Variants in CFAP61 observed in about 807,000 individuals in gnomAD.
The protein encoded by CFAP61 is cilia and flagella associated protein 61.
Under a neutral mutation model 135.6 loss-of-function variants are expected in CFAP61, and 107 were observed. That is an observed-to-expected ratio of 0.79 (90% CI 0.67 to 0.93). CFAP61 has a LOEUF of 0.93. CFAP61 is among the 40% of genes least tolerant of loss of function. The probability of loss-of-function intolerance (pLI) is 0.00; values close to 1 mark genes in which losing one functional copy is unlikely to be tolerated. For synonymous variants in CFAP61, 575 were observed against 578.5 expected, an observed-to-expected ratio of 0.99 and a Z score of 0.09; for missense variants, 1,507 against 1,556.2, an observed-to-expected ratio of 0.97 and a Z score of 0.53.
At chr20:20,057,637 T>C (rs1371441567) in intron 2 of CFAP61, among the ~76,000 whole-genome samples, 1 of 152,216 alleles carries the variant, frequency 6.6e-6, no homozygotes. Flanking sequence ...AAAGATCTTT[T>C]TTCTCTCTGT....
At chr20:20,281,093 GCAATTTATT>G (rs2054169536) in intron 22 of CFAP61, among the ~76,000 whole-genome samples, 4 of 152,108 alleles carry the variant, frequency 2.6e-5, no homozygotes, top group Non-Finnish European at 5.9e-5. Flanking sequence ...TTTACAAAAT[GCAATTTATT>G]TTCTGTATAA....
In CFAP61 at chr20:20,164,182, G is replaced by C; in HGVS notation, c.1159G>C (p.Ala387Pro). 1 of 1,614,044 alleles carries C rather than the reference G, an allele frequency of 6.2e-7. No homozygotes were observed. Among genetic ancestry groups the C allele is most frequent in the South Asian group, 1.1e-5 (1 of 91,068 alleles). The change falls in exon 11 of 27, where the codon GCT (alanine) becomes CCT (proline). Residue 387 changes from alanine to proline, a missense_variant. Ala to Pro is a conservative substitution (Grantham distance 27). Coordinates refer to ENST00000245957, the MANE Select transcript of CFAP61 (RefSeq NM_015585.4). The stretch of plus-strand genomic sequence containing the variant: ...CCCCATCTACAGGGGAGCCTCAGCT[G>C]CTTTTTGTATTCAGCTGTTTTGTAT... ...FRPIYRGASA[A>P]FCIQLFCIDE...
intron 25 of CFAP61, among the ~76,000 whole-genome samples, chr20:20,337,382 A>ATAGATGGGTGGG (rs2058251686): frequency 7.2e-4 from 2 of 2,772 alleles, no homozygotes; most frequent in Admixed American, 4.8e-3. Flanking sequence ...GGATGGATGG[A>ATAGATGGGTGGG]TGGATGGATG....
At chr20:20,360,125 G>GT (rs1169185721) in intron 26 of CFAP61, 85 bp from the exon 27 acceptor site, 1 of 1,027,954 alleles carries the variant, frequency 9.7e-7, no homozygotes, top group Non-Finnish European at 1.5e-6. Context: ...GCTGACTACT[G>GT]TTGTTTTCAT....
intron 21 of CFAP61, among the ~76,000 whole-genome samples, chr20:20,268,794 T>G (rs149166708): frequency 6.6e-5 from 10 of 152,088 alleles, no homozygotes; most frequent in Non-Finnish European, 1.5e-4. Flanking sequence ...TGCTATTACC[T>G]CTGTACTTTC....
In CFAP61 at chr20:20,070,990, G is replaced by A; in HGVS notation, c.280G>A (p.Asp94Asn). 6.2e-7 allele frequency: 1 copy of A among 1,614,080 alleles called. No homozygotes were observed. Among genetic ancestry groups the A allele is most frequent in the Non-Finnish European group, 8.5e-7 (1 of 1,179,972 alleles). ...WVSVFRELDS[D>N]IPCTPLNTLF... ...GTCAGTGTTCCGGGAGCTCGACAGT[G>A]ACATCCCATGCACAGTAAGAAATCA... The change falls in exon 3 of 27, where the codon GAC becomes AAC. Residue 94 changes from aspartate (D) to asparagine (N), a missense_variant. Asp to Asn is a conservative substitution (Grantham distance 23). Transcript: ENST00000245957.
chr20:20,163,907 G>A (rs2053607675), intron 10 of CFAP61, 143 bp from the exon 11 acceptor site: 1 of 548,036 alleles, frequency 1.8e-6, no homozygotes, highest in African/African-American at 1.9e-5. Flanking sequence ...TTAAAACCAG[G>A]CCTGGCCCAG....
At chr20:20,186,487 G>A (rs2055508153) in intron 13 of CFAP61, among the ~76,000 whole-genome samples, 1 of 152,140 alleles carries the variant, frequency 6.6e-6, no homozygotes, top group Admixed American at 6.5e-5. Flanking sequence ...GAAAATTCAT[G>A]TACAGGTTTT....
At chr20:20,258,731 G>A (rs933064338) in intron 20 of CFAP61, among the ~76,000 whole-genome samples, 3 of 152,192 alleles carry the variant, frequency 2.0e-5, no homozygotes, top group Admixed American at 2.0e-4. Context: ...ACAGGAGCCT[G>A]CTGCCAGGCA....
intron 18 of CFAP61, 50 bp downstream of exon 18, chr20:20,228,426 A>G (rs2048895477): frequency 2.0e-6 from 3 of 1,480,632 alleles, no homozygotes; most frequent in Admixed American, 3.4e-5. Context: ...AATAAAAATT[A>G]TCTTCCTACA....
intron 17 of CFAP61, among the ~76,000 whole-genome samples, chr20:20,218,929 G>T (rs189472711): frequency 6.6e-6 from 1 of 152,166 alleles, no homozygotes; most frequent in Admixed American, 6.5e-5. Flanking sequence ...TGTCCTTGTT[G>T]CTAGTGTTAA....
chr20:20,208,331 G>A (rs1237342886), intron 17 of CFAP61, among the ~76,000 whole-genome samples: 4 of 152,090 alleles, frequency 2.6e-5, no homozygotes, highest in African/African-American at 9.7e-5. Context: ...AAGCTGTATG[G>A]GTCACTTCCA....
At chr20:20,333,274 G>A (rs995504101) in intron 25 of CFAP61, among the ~76,000 whole-genome samples, 3 of 152,276 alleles carry the variant, frequency 2.0e-5, no homozygotes, top group Admixed American at 6.5e-5. Context: ...TACCTGGAGT[G>A]TCTCCTTGAA....
rs112614664 is a variant in CFAP61 at position 20,288,468 on chromosome 20, A to C, written c.2797-141A>C. 6.9e-4 allele frequency: 470 copies of C among 678,646 alleles called. 3 individuals are homozygous for C. In the South Asian group the frequency reaches 8.1e-3, roughly 12 times the overall value. The allele number at this position is 678,646 out of a possible 1,614,324, so 42.0% of individuals were successfully genotyped here. A position where few individuals can be genotyped will look rare whatever the true frequency, so the allele number is the denominator to read the frequency against. On this transcript the variant is annotated intron_variant, in intron 22 of 26. Coordinates refer to ENST00000245957, the MANE Select transcript of CFAP61 (RefSeq NM_015585.4). Reference sequence around the variant, plus strand: ...CCAAGGCAATCTATCTCTCATACGCACACAAACAACATGATAGCAAACTTT... The same window carrying C: ...CCAAGGCAATCTATCTCTCATACGCCCACAAACAACATGATAGCAAACTTT...
intron 10 of CFAP61, among the ~76,000 whole-genome samples, chr20:20,161,889 A>G (rs998385693): frequency 2.7e-5 from 2 of 74,036 alleles, no homozygotes; most frequent in East Asian, 4.3e-4. Flanking sequence ...TCTCAATGCC[A>G]GGAGCCAGGC....
At chr20:20,268,602 A>G (rs1022002421) in intron 21 of CFAP61, among the ~76,000 whole-genome samples, 4 of 152,192 alleles carry the variant, frequency 2.6e-5, no homozygotes, top group African/African-American at 9.6e-5. Flanking sequence ...ATAGAAGTAA[A>G]TTACCCTAAA....
At chr20:20,054,828 T>C (rs1316538046) in intron 1 of CFAP61, among the ~76,000 whole-genome samples, 1 of 152,248 alleles carries the variant, frequency 6.6e-6, no homozygotes, top group Non-Finnish European at 1.5e-5. Context: ...TAGGGTTTTG[T>C]AGTTTTACTA....
At chr20:20,299,671 C>A (rs2122136789) in intron 25 of CFAP61, among the ~76,000 whole-genome samples, 1 of 152,334 alleles carries the variant, frequency 6.6e-6, no homozygotes, top group African/African-American at 2.4e-5. Context: ...AGCGAGCATT[C>A]TGTTTAGCAC....
intron 9 of CFAP61, among the ~76,000 whole-genome samples, chr20:20,157,168 G>A (rs984143184): frequency 6.6e-6 from 1 of 152,082 alleles, no homozygotes; most frequent in Admixed American, 6.5e-5. Context: ...CGCCTCCCAG[G>A]TTCAAGTGAT....
Sources: allele counts gnomAD v4.1 joint callset (sites outside exome capture counted in the v4.1 genomes callset), GRCh38; gene constraint gnomAD v4.1.1; transcripts MANE v1.5; gene names NCBI Gene and HGNC (gene_info 2026-07-23, HGNC 2026-07-21).